PECR: variants seen among roughly 807,000 people sequenced by gnomAD.
The protein encoded by PECR is 2,4-dienoyl-CoA reductase-related protein.
A neutral mutation model predicts 35.3 loss-of-function variants in PECR; 30 were observed. The observed-to-expected ratio is 0.85, with a 90% CI of 0.64 to 1.15. The LOEUF (loss-of-function observed/expected upper bound fraction) is 1.15, where lower values mean the gene tolerates loss of function less well. PECR is among the 50% of genes most tolerant of loss of function. PECR has a pLI of 0.00. For missense variants in PECR, 392 were observed against 370.8 expected, an observed-to-expected ratio of 1.06 and a Z score of -0.47; for synonymous variants, 148 against 138.9, an observed-to-expected ratio of 1.07 and a Z score of -0.46.
In PECR at chr2:216,043,115, A is replaced by ATT. The variant is rs200393350; in HGVS notation, c.826+787_826+788dup. Among the ~76,000 whole-genome samples the ATT allele has an allele frequency of 1.3e-4, 17 of 134,478 alleles. 1 individual carries two copies. The highest frequency in any genetic ancestry group is 1.5e-4 in the African/African-American group (5 of 33,114). 88.2% of individuals were successfully genotyped at this position (134,478 alleles called of 152,430 possible). On this transcript the variant is annotated intron_variant, in intron 7 of 7. Transcript: ENST00000265322. ...TATATATGTATGCGTATATATATAT[A>ATT]TTTTTTTTTGAGATAAGAGTCTCAC...
chr2:216,074,362 G>A (rs1695643398), intron 1 of PECR, among the ~76,000 whole-genome samples: 1 of 152,142 alleles, frequency 6.6e-6, no homozygotes, highest in African/African-American at 2.4e-5. Flanking sequence ...CACGAGAATT[G>A]CTTGAACCTG....
intron 3 of PECR, among the ~76,000 whole-genome samples, chr2:216,061,588 G>A (rs1695354057): frequency 6.6e-6 from 1 of 152,042 alleles, no homozygotes. Context: ...AAGGGGTCTT[G>A]CCAGAAATAT....
rs371964313 is a variant in PECR at position 216,078,200 on chromosome 2, G to C, written c.124+3418C>G. On this transcript the variant is annotated intron_variant, in intron 1 of 7. Coordinates refer to ENST00000265322, the MANE Select transcript of PECR (RefSeq NM_018441.6). ...CATGCCTGTAATCCTAGCACTTAGG[G>C]AGGCTGAGGCGGGCAGATCACTGGA... 1.7e-3 allele frequency among the ~76,000 whole-genome samples: 252 copies of C among 152,240 alleles called. 2 individuals carry two copies. The highest frequency in any genetic ancestry group is 5.6e-3 in the African/African-American group (234 of 41,540).
intron 1 of PECR, among the ~76,000 whole-genome samples, chr2:216,075,992 T>C (rs1695689524): frequency 6.6e-6 from 1 of 152,214 alleles, no homozygotes; most frequent in Non-Finnish European, 1.5e-5. Context: ...TAGGTTTTCC[T>C]TGATGAAATC....
At chr2:216,042,915 C>T (rs1186112856) in intron 7 of PECR, among the ~76,000 whole-genome samples, 1 of 147,588 alleles carries the variant, frequency 6.8e-6, no homozygotes, top group Admixed American at 6.9e-5. Context: ...CGCCACCACA[C>T]CCGACTAACT....
intron 1 of PECR, among the ~76,000 whole-genome samples, chr2:216,076,229 G>C (rs1449185773): frequency 6.6e-6 from 1 of 152,246 alleles, no homozygotes; most frequent in South Asian, 2.1e-4. Context: ...ATCTCACTCT[G>C]TCACCCAGGC....
chr2:216,057,554 A>G (rs1475469933), intron 4 of PECR, among the ~76,000 whole-genome samples: 1 of 152,176 alleles, frequency 6.6e-6, no homozygotes, highest in South Asian at 2.1e-4. Flanking sequence ...AAGAACCTAC[A>G]ATCTGAATTA....
intron 7 of PECR, among the ~76,000 whole-genome samples, chr2:216,031,574 G>A (rs1320131093): frequency 2.2e-5 from 3 of 137,218 alleles, no homozygotes; most frequent in Non-Finnish European, 3.1e-5. Context: ...AAGGAAGGAA[G>A]GAAAGAAAGA....
intron 4 of PECR, among the ~76,000 whole-genome samples, chr2:216,056,907 A>G (rs1455348090): frequency 6.6e-6 from 1 of 152,074 alleles, no homozygotes; most frequent in Non-Finnish European, 1.5e-5. Context: ...GGAAAAGGAA[A>G]CGATTCTTAA....
downstream of PECR, among the ~76,000 whole-genome samples, chr2:216,038,163 T>C (rs1694830367): frequency 6.6e-6 from 1 of 152,134 alleles, no homozygotes; most frequent in Admixed American, 6.6e-5. Context: ...CCTCAGATAC[T>C]TGAAAGAACT....
At position 216,059,015 on chromosome 2, in the gene PECR, AGT is replaced by A. The variant is rs746674353; in HGVS notation, c.425-41_425-40del. On this transcript the variant is annotated intron_variant, in intron 3 of 7. Coordinates refer to ENST00000265322, the MANE Select transcript of PECR (RefSeq NM_018441.6). ...GCAAACTCAATCATTAAATTTTTAA[AGT>A]ATCCTGGCCCTCCTGATACCTTGTT... 8 of 1,259,044 alleles carry A rather than the reference AGT, an allele frequency of 6.4e-6. No individual in the cohort carries two copies. In the South Asian group the frequency reaches 9.6e-5, roughly 15 times the overall value. The allele number at this position is 1,259,044 out of a possible 1,614,324, so 78.0% of individuals were successfully genotyped here. A position where few individuals can be genotyped will look rare whatever the true frequency, so the allele number is the denominator to read the frequency against.
chr2:216,036,725 G>A (rs546283364), downstream of PECR, among the ~76,000 whole-genome samples: 57 of 152,270 alleles, frequency 3.7e-4, no homozygotes, highest in African/African-American at 1.0e-3. Flanking sequence ...GAAGGCCATC[G>A]CTGCCTTCTC....
chr2:216,055,474 CAAAAA>C (rs374204106), intron 4 of PECR, among the ~76,000 whole-genome samples: 1 of 148,398 alleles, frequency 6.7e-6, no homozygotes, highest in South Asian at 2.1e-4. Context: ...AACAAACAAA[CAAAAA>C]AAAACACTTG....
chr2:216,070,866 T>G (rs1382524866), intron 1 of PECR, among the ~76,000 whole-genome samples: 1 of 152,194 alleles, frequency 6.6e-6, no homozygotes, highest in Non-Finnish European at 1.5e-5. Context: ...CCCTCAGCAT[T>G]CCTTCAAGGG....
At chr2:216,061,747 A>G (rs1049404434) in intron 3 of PECR, among the ~76,000 whole-genome samples, 6 of 152,150 alleles carry the variant, frequency 3.9e-5, no homozygotes, top group African/African-American at 1.4e-4. Context: ...CATGAATTTG[A>G]AAACATCTTG....
At chr2:216,075,757 G>A (rs1042753777) in intron 1 of PECR, among the ~76,000 whole-genome samples, 11 of 152,256 alleles carry the variant, frequency 7.2e-5, no homozygotes, top group African/African-American at 2.6e-4. Flanking sequence ...CTTCAACTCA[G>A]AATACTACAT....
At chr2:216,037,576 A>AT (rs1459780769), downstream of PECR, among the ~76,000 whole-genome samples, 6 of 152,182 alleles carry the variant, frequency 3.9e-5, no homozygotes, top group South Asian at 4.1e-4. Flanking sequence ...ATCTTCCCAC[A>AT]TTATTAGTAT....
chr2:216,063,111 A>G (rs1695389770), intron 3 of PECR, among the ~76,000 whole-genome samples: 1 of 152,208 alleles, frequency 6.6e-6, no homozygotes, highest in Non-Finnish European at 1.5e-5. Flanking sequence ...TTTTTTTAAC[A>G]GAAATGTGAA....
intron 1 of PECR, among the ~76,000 whole-genome samples, chr2:216,076,553 A>T (rs1184548903): frequency 6.6e-6 from 1 of 152,230 alleles, no homozygotes; most frequent in Non-Finnish European, 1.5e-5. Flanking sequence ...TAATTCCAGC[A>T]CTTTGGGAGG....
Sources: allele counts gnomAD v4.1 joint callset (sites outside exome capture counted in the v4.1 genomes callset), GRCh38; gene constraint gnomAD v4.1.1; transcripts MANE v1.5; gene names NCBI Gene and HGNC (gene_info 2026-07-23, HGNC 2026-07-21).